Variants in NUGGC observed in about 807,000 individuals in gnomAD.
The protein encoded by NUGGC is nuclear GTPase SLIP-GC.
NUGGC carries 58 observed loss-of-function variants against 92.6 expected under a neutral mutation model. The observed-to-expected ratio is 0.63, with a 90% CI of 0.51 to 0.78. The LOEUF is 0.78. Ranked by LOEUF, NUGGC falls within the 30% of genes least tolerant of loss-of-function variation. The pLI is 0.00. For missense variants in NUGGC, 925 were observed against 964.6 expected (o/e 0.96, Z 0.54); for synonymous variants, 376 against 366.4 (o/e 1.03, Z -0.30).
At position 28,064,772 on chromosome 8, in the gene NUGGC, C is replaced by T. The variant is rs1436116320; in HGVS notation, c.712-41G>A. ...AGAGTCACACACACCAGCCATGCACCCAGCTCTGTTCACCCCGGTTGGCTG... is the reference window on the plus strand; with the variant it reads ...AGAGTCACACACACCAGCCATGCACTCAGCTCTGTTCACCCCGGTTGGCTG... On this transcript the variant is annotated intron_variant, in intron 6 of 18. Coordinates refer to ENST00000413272, the MANE Select transcript of NUGGC (RefSeq NM_001010906.2). The T allele has an allele frequency of 7.0e-6, 11 of 1,560,912 alleles. No homozygotes were observed. In the African/African-American group the frequency reaches 1.5e-4, roughly 21 times the overall value.
At position 28,064,584 on chromosome 8, in the gene NUGGC, C is replaced by T. The variant is rs745895030; in HGVS notation, c.859G>A (p.Val287Met). 4.3e-6 allele frequency: 7 copies of T among 1,613,900 alleles called. No homozygotes were observed. The highest frequency in any genetic ancestry group is 1.6e-4 in the Middle Eastern group (1 of 6,084). Residue 287 changes from valine (V) to methionine (M), a missense_variant, in exon 7 of 19, where the codon GTG becomes ATG. Transcript: ENST00000413272. ...CCTGTGCCTGGGATGTCCACCAGCACGACCCCTTCTGGGATCAGGTCGGAT... is the reference window on the plus strand; with the variant it reads ...CCTGTGCCTGGGATGTCCACCAGCATGACCCCTTCTGGGATCAGGTCGGAT... ...PKSDLIPEGVVLVDIPGTGDF... is the reference protein window; with the variant it reads ...PKSDLIPEGVMLVDIPGTGDF...
chr8:28,062,021 G>C (rs1810319449), intron 7 of NUGGC, among the ~76,000 whole-genome samples: 1 of 152,144 alleles, frequency 6.6e-6, no homozygotes. Context: ...TTAAAAAGCA[G>C]AACTGCTCTG....
chr8:28,079,989 G>C (rs955483119), intron 1 of NUGGC, among the ~76,000 whole-genome samples: 1 of 152,078 alleles, frequency 6.6e-6, no homozygotes, highest in Non-Finnish European at 1.5e-5. Flanking sequence ...GCCCAGGCTG[G>C]AGTGCAGTGG....
In NUGGC at chr8:28,067,501, A is replaced by C; in HGVS notation, c.711+13T>G. The C allele has an allele frequency of 1.3e-6, 2 of 1,573,152 alleles. No individual in the cohort carries two copies. Among genetic ancestry groups the C allele is most frequent in the Non-Finnish European group, 1.7e-6 (2 of 1,153,478 alleles). Reference sequence around the variant, plus strand: ...CCAGGATGAAATCAAGGAAAAAACGAACTTGACGCTACCTCTTCCGCCTTG... The same window carrying C: ...CCAGGATGAAATCAAGGAAAAAACGCACTTGACGCTACCTCTTCCGCCTTG... On this transcript the variant is annotated intron_variant, in intron 6 of 18. Coordinates refer to ENST00000413272, the MANE Select transcript of NUGGC (RefSeq NM_001010906.2).
chr8:28,047,172 G>A (rs536531211), intron 11 of NUGGC, among the ~76,000 whole-genome samples: 3 of 152,008 alleles, frequency 2.0e-5, no homozygotes, highest in Admixed American at 6.6e-5. Flanking sequence ...GTTTCACCAT[G>A]TTTGTCAGGC....
chr8:28,052,662 T>C (rs1373599076), intron 10 of NUGGC, among the ~76,000 whole-genome samples: 2 of 152,186 alleles, frequency 1.3e-5, no homozygotes, highest in African/African-American at 4.8e-5. Flanking sequence ...ACTTCCAGCC[T>C]CCAGAACTGG....
intron 4 of NUGGC, 86 bp downstream of exon 4, chr8:28,069,458 C>G: frequency 1.4e-6 from 1 of 691,530 alleles, no homozygotes; most frequent in Non-Finnish European, 2.6e-6. Context: ...ATTAAATAGT[C>G]CCTTTCCTTG....
Position 28,070,836 on chromosome 8 carries a change from T to A in NUGGC, c.44-480A>T, listed in dbSNP as rs113188495. Among the ~76,000 whole-genome samples the A allele has an allele frequency of 8.0e-3, 1,200 of 150,654 alleles. 8 individuals are homozygous for A. Among genetic ancestry groups the A allele is most frequent in the African/African-American group, 0.018 (727 of 41,132 alleles). On this transcript the variant is annotated intron_variant, in intron 2 of 18. Coordinates refer to ENST00000413272, the MANE Select transcript of NUGGC (RefSeq NM_001010906.2). Reference sequence around the variant, plus strand: ...TTACCAAAAATATATATATATATATTTTTTGATTAGCCAGGTGTGGTGGTG... The same window carrying A: ...TTACCAAAAATATATATATATATATATTTTGATTAGCCAGGTGTGGTGGTG...
At chr8:28,073,945 C>T (rs1444033242) in intron 2 of NUGGC, among the ~76,000 whole-genome samples, 12 of 152,024 alleles carry the variant, frequency 7.9e-5, no homozygotes, top group African/African-American at 1.9e-4. Flanking sequence ...ACTACAGGCA[C>T]ACACCACCAC....
At chr8:28,063,148 G>T (rs1386414595) in intron 7 of NUGGC, among the ~76,000 whole-genome samples, 1 of 152,172 alleles carries the variant, frequency 6.6e-6, no homozygotes, top group Non-Finnish European at 1.5e-5. Context: ...GAGGGCAACT[G>T]TGTCGTTCTC....
chr8:28,059,255 A>G (rs1810231023), intron 8 of NUGGC, among the ~76,000 whole-genome samples: 1 of 152,152 alleles, frequency 6.6e-6, no homozygotes, highest in African/African-American at 2.4e-5. Context: ...CCGTGAGCAC[A>G]CACCCCATGG....
rs762210589 is a variant in NUGGC, at chr8:28,023,396, G to T, written c.2312C>A (p.Ala771Glu). 2 of 1,613,980 alleles carry T rather than the reference G, an allele frequency of 1.2e-6. No homozygotes were observed. The highest frequency in any genetic ancestry group is 8.5e-7 in the Non-Finnish European group (1 of 1,179,866). The stretch of plus-strand genomic sequence containing the variant: ...TTCTTGCATGCCCTTCCTCAGCCGT[G>T]CATTCTCCGCGACCTCCCTCAGGCT... ...HRSLREVAEN[A>E]RLRKGMQEFL... The change falls in exon 19 of 19, where the codon GCA (alanine) becomes GAA (glutamate). Residue 771 changes from alanine to glutamate, a missense_variant. Physicochemically the swap from Ala to Glu is moderately radical, Grantham distance 107. Coordinates refer to ENST00000413272, the MANE Select transcript of NUGGC (RefSeq NM_001010906.2).
rs569747992 is a variant in NUGGC, at chr8:28,057,071, C to T, written c.1117-1017G>A. 1.7e-4 allele frequency among the ~76,000 whole-genome samples: 26 copies of T among 152,200 alleles called. No individual in the cohort carries two copies. The South Asian group carries it at 5.2e-3, about 30-fold the overall frequency. ...TTTTTCAGCCTGTTTAGAGCAATAC[C>T]CTAAATCTTGAATAACACCATCGGA... On this transcript the variant is annotated intron_variant, in intron 9 of 18. Transcript: ENST00000413272.
chr8:28,043,159 C>G (rs1441551757), intron 12 of NUGGC, among the ~76,000 whole-genome samples: 1 of 152,186 alleles, frequency 6.6e-6, no homozygotes, highest in Non-Finnish European at 1.5e-5. Flanking sequence ...GGGCATGATT[C>G]TCACAATGCC....
At chr8:28,047,373 C>T (rs1585571583) in intron 11 of NUGGC, 134 bp downstream of exon 11, 2 of 593,034 alleles carry the variant, frequency 3.4e-6, no homozygotes, top group African/African-American at 3.7e-5. Context: ...TCCTTATTTG[C>T]AATTGGTATT....
intron 2 of NUGGC, among the ~76,000 whole-genome samples, chr8:28,072,084 C>T (rs1302330541): frequency 6.6e-6 from 1 of 152,192 alleles, no homozygotes; most frequent in African/African-American, 2.4e-5. Context: ...CAACGCACAC[C>T]CCGTAGAATA....
intron 13 of NUGGC, among the ~76,000 whole-genome samples, chr8:28,037,507 C>T (rs1809585621): frequency 6.6e-6 from 1 of 152,198 alleles, no homozygotes; most frequent in Non-Finnish European, 1.5e-5. Flanking sequence ...TGTCCTCTAA[C>T]CTGGCCTGCG....
chr8:28,072,291 G>A (rs1810610001), intron 2 of NUGGC, among the ~76,000 whole-genome samples: 1 of 152,202 alleles, frequency 6.6e-6, no homozygotes, highest in Non-Finnish European at 1.5e-5. Flanking sequence ...ATACCAAGTG[G>A]TTGCTGGCTT....
rs769274984 is a variant in NUGGC at position 28,067,633 on chromosome 8, A to T, written c.592T>A (p.Trp198Arg). 6.2e-7 allele frequency: 1 copy of T among 1,613,980 alleles called. No homozygotes were observed. The change falls in exon 6 of 19, where the codon TGG becomes AGG. Residue 198 changes from tryptophan (W) to arginine (R), a missense_variant. Coordinates refer to ENST00000413272, the MANE Select transcript of NUGGC (RefSeq NM_001010906.2). ...NRDEAVEEATWKLQMIYGNGA... is the reference protein window; with the variant it reads ...NRDEAVEEATRKLQMIYGNGA... ...TTTCCATAAATCATTTGTAGCTTCC[A>T]GGTGGCTTCCTCCACTGCCTCATCC...
Sources: allele counts gnomAD v4.1 joint callset (sites outside exome capture counted in the v4.1 genomes callset), GRCh38; gene constraint gnomAD v4.1.1; transcripts MANE v1.5; gene names NCBI Gene and HGNC (gene_info 2026-07-23, HGNC 2026-07-21).